FCRL1: variants seen among roughly 807,000 people sequenced by gnomAD.
FCRL1 encodes the protein Fc receptor like 1.
FCRL1 carries 34 observed loss-of-function variants against 49.2 expected under a neutral mutation model. The ratio of observed to expected loss-of-function variants is 0.69; its 90% CI spans 0.53 to 0.92. The LOEUF (loss-of-function observed/expected upper bound fraction) is 0.92. FCRL1 is among the 40% of genes least tolerant of loss of function. FCRL1 has a pLI of 0.00. For missense variants in FCRL1, 524 were observed against 524.1 expected (o/e 1.00, Z 0.00); for synonymous variants, 218 against 201.6 (o/e 1.08, Z -0.69).
intron 1 of FCRL1, among the ~76,000 whole-genome samples, chr1:157,811,876 C>T (rs1654363694): frequency 2.0e-5 from 3 of 152,164 alleles, no homozygotes; most frequent in South Asian, 4.1e-4. Flanking sequence ...GTGCCCCAAC[C>T]CCAGGGACTC....
Position 157,802,553 on chromosome 1 carries a change from G to A in FCRL1, c.431C>T (p.Thr144Ile), listed in dbSNP as rs905316201. Residue 144 changes from threonine to isoleucine, a missense_variant, in exon 4 of 11, where the codon ACC becomes ATC. Coordinates refer to ENST00000368176, the MANE Select transcript of FCRL1 (RefSeq NM_052938.5). ...TACAGCCCCTTTGTACCAAAGGAAGGTGATGTCTCCTGTGCCCATAGCAAC... is the reference window on the plus strand; with the variant it reads ...TACAGCCCCTTTGTACCAAAGGAAGATGATGTCTCCTGTGCCCATAGCAAC... ...CSVAMGTGDI[T>I]FLWYKGAVGL... The A allele has an allele frequency of 6.2e-7, 1 of 1,614,188 alleles. No homozygotes were observed. The highest frequency in any genetic ancestry group is 1.1e-5 in the South Asian group (1 of 91,086).
At chr1:157,810,745 T>C (rs1180825803) in intron 1 of FCRL1, among the ~76,000 whole-genome samples, 2 of 152,096 alleles carry the variant, frequency 1.3e-5, no homozygotes, top group African/African-American at 2.4e-5. Flanking sequence ...AAATAAAGAA[T>C]GAAAGGAAGT....
At position 157,798,160 on chromosome 1, in the gene FCRL1, C is replaced by G. The variant is rs201462804; in HGVS notation, c.1114+1G>C. The G allele has an allele frequency of 1.9e-6, 3 of 1,610,596 alleles. No individual in the cohort carries two copies. Among genetic ancestry groups the G allele is most frequent in the East Asian group, 2.2e-5 (1 of 44,858 alleles). On this transcript the variant is annotated splice_donor_variant, in intron 8 of 10. Transcript: ENST00000368176. LOFTEE classifies it high-confidence loss of function. ...GGCCTGGGCCATTTGGGAAGGCTCA[C>G]CATTTTCATATATAGGCTGTAGCTG...
chr1:157,807,038 C>G, intron 2 of FCRL1, 64 bp downstream of exon 2: 1 of 1,589,848 alleles, frequency 6.3e-7, no homozygotes, highest in South Asian at 1.1e-5. Context: ...CTGCAGGCCT[C>G]CTGTGCTGAC....
At chr1:157,816,901 A>G (rs1413960897) in intron 1 of FCRL1, among the ~76,000 whole-genome samples, 2 of 151,928 alleles carry the variant, frequency 1.3e-5, no homozygotes, top group Non-Finnish European at 2.9e-5. Context: ...AAACAATCCC[A>G]TTCACAATAG....
chr1:157,809,184 A>G (rs574723198), intron 1 of FCRL1, among the ~76,000 whole-genome samples: 1 of 152,208 alleles, frequency 6.6e-6, no homozygotes, highest in Non-Finnish European at 1.5e-5. Flanking sequence ...ATGAAGTGAC[A>G]TAATTATATA....
chr1:157,814,531 A>T (rs1046952193), intron 1 of FCRL1, among the ~76,000 whole-genome samples: 1 of 152,002 alleles, frequency 6.6e-6, no homozygotes, highest in African/African-American at 2.4e-5. Flanking sequence ...ACAAAGATAA[A>T]CAACAGGAGA....
At chr1:157,814,882 G>A (rs145284250) in intron 1 of FCRL1, among the ~76,000 whole-genome samples, 82 of 151,846 alleles carry the variant, frequency 5.4e-4, no homozygotes, top group Admixed American at 1.0e-3. Flanking sequence ...TAATGATAAG[G>A]GGGTGAATTC....
chr1:157,796,994 G>C, intron 10 of FCRL1, 107 bp downstream of exon 10: 5 of 1,025,130 alleles, frequency 4.9e-6, no homozygotes, highest in Non-Finnish European at 7.6e-6. Context: ...GGAAGAGGTA[G>C]ACCATGGGAT....
rs199737140 is a variant in FCRL1 at position 157,820,001 on chromosome 1, A to G, written c.31+6T>C. 59 of 1,614,030 alleles carry G rather than the reference A, an allele frequency of 3.7e-5. 1 individual carries two copies. The highest frequency in any genetic ancestry group is 4.4e-5 in the Non-Finnish European group (52 of 1,179,988). ...CCCATGCCCTGCTCTGAGTTGCCCAACTCACCACAGATCAACAGCAACAGC... is the reference window on the plus strand; with the variant it reads ...CCCATGCCCTGCTCTGAGTTGCCCAGCTCACCACAGATCAACAGCAACAGC... On this transcript the variant is annotated splice_donor_region_variant and intron_variant, in intron 1 of 10. Coordinates refer to ENST00000368176, the MANE Select transcript of FCRL1 (RefSeq NM_052938.5).
At chr1:157,796,240 G>T in intron 10 of FCRL1, 70 bp from the exon 11 acceptor site, 1 of 1,285,512 alleles carries the variant, frequency 7.8e-7, no homozygotes, top group Non-Finnish European at 1.1e-6. Context: ...CCCTTCCCCA[G>T]TTAGCTTGGA....
rs771482060 is a variant in FCRL1 at position 157,796,065 on chromosome 1, G to C, written c.*34C>G. ...TATCAGGCCTGAGGCTTGGGGTCAT[G>C]GATGGTTTTCAAAGAGCAGAATCTT... On this transcript the variant is annotated 3_prime_UTR_variant, in exon 11 of 11. Transcript: ENST00000368176. The C allele has an allele frequency of 2.5e-6, 4 of 1,581,350 alleles. No individual in the cohort carries two copies. In the South Asian group the frequency reaches 3.3e-5, roughly 13 times the overall value.
chr1:157,802,723 A>T, intron 3 of FCRL1, 59 bp from the exon 4 acceptor site: 1 of 1,525,766 alleles, frequency 6.6e-7, no homozygotes, highest in Non-Finnish European at 8.8e-7. Context: ...CAAAGACAGT[A>T]AGTAGATATG....
intron 1 of FCRL1, among the ~76,000 whole-genome samples, chr1:157,810,548 C>T (rs544798525): frequency 2.0e-5 from 3 of 151,932 alleles, no homozygotes; most frequent in East Asian, 1.9e-4. Context: ...CCACCCACCT[C>T]GGCCTCCCCA....
intron 1 of FCRL1, among the ~76,000 whole-genome samples, chr1:157,812,427 A>T (rs540278312): frequency 6.6e-6 from 1 of 152,116 alleles, no homozygotes; most frequent in Admixed American, 6.5e-5. Context: ...CAGAGTCACC[A>T]GTATGTAATA....
intron 1 of FCRL1, 138 bp downstream of exon 1, chr1:157,819,869 C>A: frequency 1.0e-6 from 1 of 966,480 alleles, no homozygotes; most frequent in Non-Finnish European, 1.6e-6. Flanking sequence ...ACTCTGAGCC[C>A]TCCGTGGAAG....
At chr1:157,806,217 C>T (rs577064150) in intron 2 of FCRL1, among the ~76,000 whole-genome samples, 1 of 152,292 alleles carries the variant, frequency 6.6e-6, no homozygotes, top group South Asian at 2.1e-4. Context: ...TATACTTGGA[C>T]AAACATTAGA....
At chr1:157,815,848 CTT>C (rs1407994479) in intron 1 of FCRL1, among the ~76,000 whole-genome samples, 10 of 151,686 alleles carry the variant, frequency 6.6e-5, no homozygotes, top group Admixed American at 6.6e-4. Context: ...AAGTTGGTAA[CTT>C]AGAAGAAATA....
intron 1 of FCRL1, among the ~76,000 whole-genome samples, chr1:157,815,019 A>C (rs114721768): frequency 0.015 from 2,343 of 152,084 alleles, 51 homozygotes; most frequent in African/African-American, 0.054. Flanking sequence ...GGGGACTTTA[A>C]TACTCCACTT....
Sources: gnomAD v4.1 joint callset for allele counts (sites outside exome capture counted in the v4.1 genomes callset) on GRCh38, gnomAD v4.1.1 for gene constraint, MANE v1.5 for transcripts, NCBI Gene and HGNC (gene_info 2026-07-23, HGNC 2026-07-21) for gene names.